DGKI: variants seen among roughly 807,000 people sequenced by gnomAD.
DGKI encodes the protein diacylglycerol kinase iota, also known as DAG kinase iota.
DGKI carries 55 observed loss-of-function variants against 147.5 expected under a neutral mutation model. The observed-to-expected ratio is 0.37, with a 90% CI of 0.30 to 0.47. The LOEUF (loss-of-function observed/expected upper bound fraction) is 0.47. DGKI is among the 20% of genes least tolerant of loss of function. DGKI has a pLI of 1.00. For synonymous variants in DGKI, 469 were observed against 477.1 expected (o/e 0.98, Z 0.22); for missense variants, 1,007 against 1,323.8 (o/e 0.76, Z 3.71).
chr7:137,722,519 C>T, intron 1 of DGKI: 1 of 1,609,768 alleles, frequency 6.2e-7, no homozygotes, highest in South Asian at 1.1e-5. Flanking sequence ...GTGACTGGAC[C>T]TCTGGTCCTC....
At chr7:137,626,455 C>T (rs900754437) in intron 6 of DGKI, among the ~76,000 whole-genome samples, 2 of 151,928 alleles carry the variant, frequency 1.3e-5, no homozygotes, top group African/African-American at 2.4e-5. Context: ...GAGTTGCAAC[C>T]GCCTAAACAG....
chr7:137,583,539 T>C (rs1819280098), intron 14 of DGKI, among the ~76,000 whole-genome samples: 1 of 152,208 alleles, frequency 6.6e-6, no homozygotes, highest in Non-Finnish European at 1.5e-5. Flanking sequence ...TTAAGTTATT[T>C]ATATTTTCCA....
At chr7:137,518,831 C>CA (rs1297591846) in intron 21 of DGKI, among the ~76,000 whole-genome samples, 3 of 152,040 alleles carry the variant, frequency 2.0e-5, no homozygotes, top group Non-Finnish European at 4.4e-5. Context: ...AAAAACAGAT[C>CA]ATCCTTTGCC....
chr7:137,796,764 T>C (rs891584970), intron 1 of DGKI, among the ~76,000 whole-genome samples: 27 of 151,994 alleles, frequency 1.8e-4, no homozygotes, highest in African/African-American at 6.3e-4. Context: ...ATCATCCAGT[T>C]TGAGAAACAG....
chr7:137,579,180 G>A (rs1323446699), intron 15 of DGKI, among the ~76,000 whole-genome samples: 1 of 151,884 alleles, frequency 6.6e-6, no homozygotes. Flanking sequence ...ATGAGCCTTT[G>A]TGTTACCCTT....
chr7:137,454,475 A>G (rs1814105559), intron 27 of DGKI, among the ~76,000 whole-genome samples: 1 of 152,234 alleles, frequency 6.6e-6, no homozygotes, highest in African/African-American at 2.4e-5. Flanking sequence ...GCGACAGTGG[A>G]CACAGAAAAG....
intron 1 of DGKI, among the ~76,000 whole-genome samples, chr7:137,782,601 T>C (rs1479311263): frequency 6.6e-6 from 1 of 152,142 alleles, no homozygotes; most frequent in Non-Finnish European, 1.5e-5. Context: ...TAACCAGGTA[T>C]CCCTGGGGAA....
chr7:137,678,298 C>T (rs529896245), intron 3 of DGKI, among the ~76,000 whole-genome samples: 1 of 152,170 alleles, frequency 6.6e-6, no homozygotes, highest in African/African-American at 2.4e-5. Context: ...ACACAACAAC[C>T]TACCCTGGGC....
intron 1 of DGKI, among the ~76,000 whole-genome samples, chr7:137,720,479 C>T (rs1167900034): frequency 4.0e-5 from 6 of 151,874 alleles, no homozygotes; most frequent in Non-Finnish European, 7.4e-5. Flanking sequence ...AGGATGGTCT[C>T]GATCTCCTGA....
chr7:137,759,034 G>T (rs1374282376), intron 1 of DGKI, among the ~76,000 whole-genome samples: 1 of 152,116 alleles, frequency 6.6e-6, no homozygotes, highest in Non-Finnish European at 1.5e-5. Context: ...TACTGGTGGG[G>T]ATTGGGCTTC....
chr7:137,503,570 A>G (rs149240967), intron 21 of DGKI, among the ~76,000 whole-genome samples: 1 of 152,264 alleles, frequency 6.6e-6, no homozygotes, highest in East Asian at 1.9e-4. Context: ...AGCCTGTGAT[A>G]TTATCAATTT....
At chr7:137,796,659 C>T (rs1350461774) in intron 1 of DGKI, among the ~76,000 whole-genome samples, 2 of 151,898 alleles carry the variant, frequency 1.3e-5, no homozygotes, top group Non-Finnish European at 1.5e-5. Flanking sequence ...TTCGAAAGTG[C>T]AATAACGTAA....
chr7:137,579,647 A>G (rs982022962), intron 15 of DGKI, among the ~76,000 whole-genome samples: 1 of 152,038 alleles, frequency 6.6e-6, no homozygotes, highest in Non-Finnish European at 1.5e-5. Flanking sequence ...ATGAATATTT[A>G]CCTATTATTT....
intron 29 of DGKI, among the ~76,000 whole-genome samples, 177 bp from the exon 30 acceptor site, chr7:137,408,172 T>C (rs573990053): frequency 1.8e-4 from 27 of 152,236 alleles, no homozygotes; most frequent in Non-Finnish European, 3.5e-4. Flanking sequence ...CTCACAGAGA[T>C]GACCAGTGTC....
chr7:137,846,851 C>T lies in DGKI; in HGVS notation c.12G>A (p.Ala4=). The T allele has an allele frequency of 8.7e-7, 1 of 1,155,280 alleles. No homozygotes were observed. Among genetic ancestry groups the T allele is most frequent in the Non-Finnish European group, 1.1e-6 (1 of 938,094 alleles). The allele number at this position is 1,155,280 out of a possible 1,614,324, so 71.6% of individuals were successfully genotyped here. A position where few individuals can be genotyped will look rare whatever the true frequency, so the allele number is the denominator to read the frequency against. The change falls in exon 1 of 33, where the codon GCG becomes GCA. Residue 4 remains alanine, a synonymous_variant. Coordinates refer to ENST00000614521, the MANE Select transcript of DGKI (RefSeq NM_001321708.2). This position sits in a 1 kb window ranked among gnomAD's most constrained non-coding sequence, Gnocchi z 4.0. MDA[A]GRGCHLLPLP... ...GGGGCAGCAAATGGCAGCCCCTTCC[C>T]GCAGCATCCATCCGCGGCTGCACCG...
chr7:137,660,132 A>G (rs920609451), intron 3 of DGKI, among the ~76,000 whole-genome samples: 1 of 152,246 alleles, frequency 6.6e-6, no homozygotes, highest in African/African-American at 2.4e-5. Flanking sequence ...TTAAATATCA[A>G]ACAGCACCTA....
At chr7:137,628,685 A>G (rs1410398140) in intron 6 of DGKI, among the ~76,000 whole-genome samples, 2 of 152,192 alleles carry the variant, frequency 1.3e-5, no homozygotes, top group East Asian at 1.9e-4. Flanking sequence ...TTTGGATCCA[A>G]CTGACTTCAG....
rs568143598 is a variant in DGKI at position 137,618,469 on chromosome 7, C to G, written c.993+1355G>C. On this transcript the variant is annotated intron_variant, in intron 8 of 32. Transcript: ENST00000614521. ...CAAATCCCATCTTCTTCATGAAGCCCTCCCCCCCACTTCATAACAAGACTC... is the reference window on the plus strand; with the variant it reads ...CAAATCCCATCTTCTTCATGAAGCCGTCCCCCCCACTTCATAACAAGACTC... Among the ~76,000 whole-genome samples the G allele has an allele frequency of 6.0e-5, 9 of 149,830 alleles. No individual in the cohort carries two copies. In the South Asian group the frequency reaches 1.9e-3, roughly 31 times the overall value.
chr7:137,429,109 A>G (rs1812950018), intron 28 of DGKI, among the ~76,000 whole-genome samples: 1 of 152,228 alleles, frequency 6.6e-6, no homozygotes. Context: ...ATCCTAAGCC[A>G]AAAGAACAAA....
Sources: allele counts gnomAD v4.1 joint callset (sites outside exome capture counted in the v4.1 genomes callset), GRCh38; gene constraint gnomAD v4.1.1; non-coding constraint Gnocchi (gnomAD v3.1); transcripts MANE v1.5; gene names NCBI Gene and HGNC (gene_info 2026-07-23, HGNC 2026-07-21).